The following RFX7 variants were observed in gnomAD, a reference collection of about 807,000 sequenced individuals.
RFX7 encodes the protein regulatory factor X7, also known as DNA-binding protein RFX7.
A neutral mutation model predicts 111.8 loss-of-function variants in RFX7; 26 were observed. The ratio of observed to expected loss-of-function variants is 0.23; its 90% CI spans 0.17 to 0.32. RFX7 has a LOEUF of 0.32. Ranked by LOEUF, RFX7 falls within the 10% of genes least tolerant of loss-of-function variation. RFX7 has a pLI of 1.00. For missense variants in RFX7, 1,573 were observed against 1,772.9 expected (o/e 0.89, Z 2.02); for synonymous variants, 624 against 624.4 (o/e 1.00, Z 0.01).
chr15:56,134,024 T>A (rs776376940), intron 5 of RFX7, among the ~76,000 whole-genome samples: 6 of 152,198 alleles, frequency 3.9e-5, no homozygotes, highest in Non-Finnish European at 8.8e-5. Flanking sequence ...CAAGTGGAAG[T>A]CCTGGCCAAA....
At chr15:56,220,541 T>C (rs1191505465) in intron 2 of RFX7, among the ~76,000 whole-genome samples, 1 of 152,036 alleles carries the variant, frequency 6.6e-6, no homozygotes, top group African/African-American at 2.4e-5. Context: ...AAATGTTTTT[T>C]TTTTCTGCTT....
intron 9 of RFX7, among the ~76,000 whole-genome samples, chr15:56,097,140 C>T (rs1435794664): frequency 2.0e-5 from 3 of 152,068 alleles, no homozygotes; most frequent in Non-Finnish European, 4.4e-5. Context: ...TTTAATAACA[C>T]GATGATGATA....
At chr15:56,107,245 C>G (rs1172562263) in intron 5 of RFX7, among the ~76,000 whole-genome samples, 1 of 120,658 alleles carries the variant, frequency 8.3e-6, no homozygotes, top group African/African-American at 3.3e-5. Flanking sequence ...TGCAGTGGGC[C>G]GAGATCGCGC....
rs780999645 is a variant in RFX7 at position 56,101,450 on chromosome 15, G to T, written c.720C>A (p.Thr240=). The T allele has an allele frequency of 6.2e-7, 1 of 1,613,464 alleles. No homozygotes were observed. The change falls in exon 8 of 10, where the codon ACC becomes ACA. Residue 240 remains threonine (T), a synonymous_variant. Transcript: ENST00000559447. ...AQKVLSQPFD[T]VLELARFLVK... is the part of the protein sequence containing the mutation. ...CAAGGAAGCGGGCTAATTCCAAGAC[G>T]GTGTCAAATGGTTGGCTTAACACTT...
intron 3 of RFX7, among the ~76,000 whole-genome samples, chr15:56,177,060 T>G (rs933283746): frequency 6.6e-6 from 1 of 152,158 alleles, no homozygotes. Context: ...CTGCTTGAAC[T>G]TTTCTATCAT....
chr15:56,215,075 G>A (rs2043350400), intron 2 of RFX7, among the ~76,000 whole-genome samples: 1 of 152,114 alleles, frequency 6.6e-6, no homozygotes, highest in Non-Finnish European at 1.5e-5. Flanking sequence ...CTAGTTCTAT[G>A]ACTCCCATGG....
intron 5 of RFX7, among the ~76,000 whole-genome samples, chr15:56,117,887 T>C (rs1334066695): frequency 6.6e-6 from 1 of 152,178 alleles, no homozygotes; most frequent in Non-Finnish European, 1.5e-5. Context: ...CCTAGGTTGA[T>C]TCTTTATCTT....
chr15:56,133,548 T>A (rs72738608), intron 5 of RFX7, among the ~76,000 whole-genome samples: 1 of 152,030 alleles, frequency 6.6e-6, no homozygotes, highest in East Asian at 1.9e-4. Context: ...CTGATCCTGT[T>A]AAGTTTTTGT....
At chr15:56,097,125 C>G (rs1370323271) in intron 9 of RFX7, among the ~76,000 whole-genome samples, 1 of 151,986 alleles carries the variant, frequency 6.6e-6, no homozygotes, top group Non-Finnish European at 1.5e-5. Flanking sequence ...CCATGTATTT[C>G]ATATTTTAAT....
intron 2 of RFX7, among the ~76,000 whole-genome samples, chr15:56,183,481 C>G (rs1294530383): frequency 6.6e-6 from 1 of 152,026 alleles, no homozygotes; most frequent in Non-Finnish European, 1.5e-5. Flanking sequence ...TATACTACTT[C>G]CATCTGGGAG....
intron 3 of RFX7, among the ~76,000 whole-genome samples, chr15:56,162,826 C>G (rs1165346653): frequency 6.6e-6 from 1 of 152,060 alleles, no homozygotes. Flanking sequence ...AATCTGGCCC[C>G]ACTGCCAAGT....
intron 3 of RFX7, among the ~76,000 whole-genome samples, chr15:56,153,532 C>A (rs11858173): frequency 0.29 from 44,608 of 152,026 alleles, 7,580 homozygotes; most frequent in Middle Eastern, 0.46. Flanking sequence ...TAAAAAGAAC[C>A]AATGACAACA....
chr15:56,239,700 G>A (rs1302554420), intron 2 of RFX7, among the ~76,000 whole-genome samples: 1 of 152,088 alleles, frequency 6.6e-6, no homozygotes, highest in African/African-American at 2.4e-5. Flanking sequence ...GGGGGATTTT[G>A]GATTAGGGAT....
chr15:56,217,746 A>G lies in RFX7; in HGVS notation c.161+25379T>C, dbSNP rs140499156. Among the ~76,000 whole-genome samples the G allele has an allele frequency of 9.8e-5, 15 of 152,360 alleles. 1 individual carries two copies. Among genetic ancestry groups the G allele is most frequent in the African/African-American group, 3.6e-4 (15 of 41,588 alleles). On this transcript the variant is annotated intron_variant, in intron 2 of 9. Transcript: ENST00000559447. ...TTTAATTATAGCTTTAATTGTACAC[A>G]GTTTTAATGATATGCATAGCTGTTA...
chr15:56,165,223 T>C (rs1189673789), intron 3 of RFX7, among the ~76,000 whole-genome samples: 1 of 152,214 alleles, frequency 6.6e-6, no homozygotes, highest in Non-Finnish European at 1.5e-5. Context: ...GCCCGGTTCC[T>C]GACAGGCCAT....
chr15:56,231,587 A>G (rs1238478774), intron 2 of RFX7, among the ~76,000 whole-genome samples: 3 of 152,174 alleles, frequency 2.0e-5, no homozygotes, highest in African/African-American at 4.8e-5. Context: ...TAAATTTAAG[A>G]TAAGATTTGG....
intron 5 of RFX7, among the ~76,000 whole-genome samples, chr15:56,121,968 ACT>A (rs1237209887): frequency 3.3e-5 from 5 of 151,894 alleles, no homozygotes; most frequent in Non-Finnish European, 5.9e-5. Context: ...GCAATTCTGA[ACT>A]CTCTTTTTGA....
Position 56,134,983 on chromosome 15 carries a change from A to T in RFX7, c.401+7795T>A, listed in dbSNP as rs377046044. On this transcript the variant is annotated intron_variant, in intron 5 of 9. Transcript: ENST00000559447. ...GGCTGCATAGTATTCCATGGTGTAT[A>T]TGTGCCACATTTTCTTAATCCGGTC... Among the ~76,000 whole-genome samples, 54 of 152,236 alleles carry T rather than the reference A, an allele frequency of 3.5e-4. No individual in the cohort carries two copies. In the East Asian group the frequency reaches 8.7e-3, roughly 24 times the overall value.
intron 2 of RFX7, among the ~76,000 whole-genome samples, chr15:56,236,109 T>C (rs143650489): frequency 2.9e-4 from 44 of 152,284 alleles, no homozygotes; most frequent in African/African-American, 9.6e-4. Context: ...TTGTTATATA[T>C]ATATGAGCTA....
Sources: allele counts gnomAD v4.1 joint callset (sites outside exome capture counted in the v4.1 genomes callset), GRCh38; gene constraint gnomAD v4.1.1; transcripts MANE v1.5; gene names NCBI Gene and HGNC (gene_info 2026-07-23, HGNC 2026-07-21).